The following ZNF738 variants were observed in gnomAD, a reference collection of about 807,000 sequenced individuals.
ZNF738 encodes the protein zinc finger protein 738, also known as protein ZNF738.
A neutral mutation model predicts 9.2 loss-of-function variants in ZNF738; 10 were observed. The ratio of observed to expected loss-of-function variants is 1.09; its 90% CI spans 0.67 to 1.85. The LOEUF is 1.85. Among genes scored for constraint, ZNF738 ranks in the 40% most tolerant of loss-of-function variants. The pLI is 0.00. For missense variants in ZNF738, 346 were observed against 283.6 expected (o/e 1.22, Z -1.58); for synonymous variants, 113 against 94.5 (o/e 1.20, Z -1.14).
rs1974083506 is a variant in ZNF738 at position 21,387,739 on chromosome 19, A to G, written c.*4065A>G. On this transcript the variant is annotated 3_prime_UTR_variant, in exon 5 of 5. Transcript: ENST00000683779. ...CAGAAAAATATAACCCTTTAAAGTG[A>G]AGAAGAGAATTTATATTGAAGATGG... 6.6e-6 allele frequency among the ~76,000 whole-genome samples: 1 copy of G among 152,202 alleles called. No individual in the cohort carries two copies. The highest frequency in any genetic ancestry group is 2.4e-5 in the African/African-American group (1 of 41,462).
chr19:21,381,071 C>T (rs909500105), intron 4 of ZNF738: 2 of 627,338 alleles, frequency 3.2e-6, no homozygotes, highest in African/African-American at 3.7e-5. Flanking sequence ...TGGGATCTAA[C>T]ACACTAGCTT....
intron 1 of ZNF738, among the ~76,000 whole-genome samples, chr19:21,360,084 C>A (rs1029652215): frequency 6.6e-6 from 1 of 152,048 alleles, no homozygotes; most frequent in African/African-American, 2.4e-5. Flanking sequence ...TGAAAATTTC[C>A]TGGTTATGTA....
Position 21,361,748 on chromosome 19 carries a change from G to T in ZNF738, c.4-18G>T. On this transcript the variant is annotated intron_variant, in intron 1 of 4. Coordinates refer to ENST00000683779, the MANE Select transcript of ZNF738 (RefSeq NM_001355237.2). ...AGTGTCTAGTGGATATCAGCTTCTG[G>T]TTTATTTTCTCCCATAGGACGACCT... 1.3e-6 allele frequency: 1 copy of T among 779,806 alleles called. No individual in the cohort carries two copies. The allele number at this position is 779,806 out of a possible 1,614,324, so 48.3% of individuals were successfully genotyped here.
At chr19:21,371,994 A>C (rs1334372735) in intron 2 of ZNF738, 1 of 152,570 alleles carries the variant, frequency 6.6e-6, no homozygotes, top group Non-Finnish European at 1.5e-5. Context: ...CCCAGGCTGG[A>C]GTGCAATGGC....
At position 21,361,102 on chromosome 19, in the gene ZNF738, C is replaced by T. The variant is rs1414300705; in HGVS notation, c.4-664C>T. On this transcript the variant is annotated intron_variant, in intron 1 of 4. Coordinates refer to ENST00000683779, the MANE Select transcript of ZNF738 (RefSeq NM_001355237.2). ...GTGCTGGGATTACAGGCGTGAGCCA[C>T]TGCGCCCTGCATAAATGGTGTTTTG... 2.6e-5 allele frequency among the ~76,000 whole-genome samples: 4 copies of T among 151,416 alleles called. No individual in the cohort carries two copies. The East Asian group carries it at 7.8e-4, about 30-fold the overall frequency.
At chr19:21,367,130 T>C (rs540623163) in intron 2 of ZNF738, among the ~76,000 whole-genome samples, 28 of 152,324 alleles carry the variant, frequency 1.8e-4, no homozygotes, top group African/African-American at 4.8e-4. Context: ...TATAAACTGT[T>C]CCTGAAGAAC....
intron 1 of ZNF738, among the ~76,000 whole-genome samples, chr19:21,360,046 C>T (rs1004945155): frequency 7.2e-5 from 11 of 152,028 alleles, no homozygotes; most frequent in African/African-American, 2.4e-4. Flanking sequence ...GGTACAGTTA[C>T]GTGGTTTTTT....
intron 2 of ZNF738, 47 bp from the exon 3 acceptor site, chr19:21,375,191 C>A: frequency 1.1e-6 from 1 of 884,014 alleles, no homozygotes; most frequent in Non-Finnish European, 1.7e-6. Flanking sequence ...ATGATAAATT[C>A]TGCCCGTGGA....
At chr19:21,361,320 A>G (rs550691617) in intron 1 of ZNF738, among the ~76,000 whole-genome samples, 85 of 150,422 alleles carry the variant, frequency 5.7e-4, no homozygotes, top group Non-Finnish European at 8.1e-4. Flanking sequence ...TTTTATTTTT[A>G]GTAGAGACAG....
chr19:21,362,601 C>A (rs1362939266), intron 2 of ZNF738, among the ~76,000 whole-genome samples: 1 of 152,108 alleles, frequency 6.6e-6, no homozygotes, highest in Non-Finnish European at 1.5e-5. Flanking sequence ...GAGATTTGTT[C>A]ACTTATTTTC....
At chr19:21,371,502 A>T (rs2562433) in intron 2 of ZNF738, among the ~76,000 whole-genome samples, 2,032 of 152,344 alleles carry the variant, frequency 0.013, 55 homozygotes, top group African/African-American at 0.043. Context: ...TTCTGGTACT[A>T]GGGTGAAAGA....
chr19:21,373,745 C>G (rs1461576840), intron 2 of ZNF738, among the ~76,000 whole-genome samples: 1 of 144,732 alleles, frequency 6.9e-6, no homozygotes, highest in East Asian at 2.0e-4. Context: ...ATCTGAAAAG[C>G]ATTTCCAAAG....
rs769714743 is a variant in ZNF738 at position 21,361,767 on chromosome 19, A to G, written c.5A>G (p.Asp2Gly). Residue 2 changes from aspartate (D) to glycine (G), a missense_variant and splice_region_variant, in exon 2 of 5, where the codon GAC (aspartate) becomes GGC (glycine). Coordinates refer to ENST00000683779, the MANE Select transcript of ZNF738 (RefSeq NM_001355237.2). ...CTTCTGGTTTATTTTCTCCCATAGG[A>G]CGACCTGAGGTATGGAGTGTATCCT... M[D>G]DLRYGVYPVK... is the part of the protein sequence containing the mutation. The G allele has an allele frequency of 2.6e-6, 2 of 780,614 alleles. No homozygotes were observed. The highest frequency in any genetic ancestry group is 4.8e-6 in the Non-Finnish European group (2 of 417,924). The allele number at this position is 780,614 out of a possible 1,614,324, so 48.4% of individuals were successfully genotyped here. A position where few individuals can be genotyped will look rare whatever the true frequency, so the allele number is the denominator to read the frequency against.
At chr19:21,381,194 C>T (rs1260110551) in intron 4 of ZNF738, 4 of 1,388,106 alleles carry the variant, frequency 2.9e-6, no homozygotes, top group African/African-American at 2.9e-5. Context: ...TTTCTTGGAA[C>T]CTACAGCCAG....
intron 4 of ZNF738, chr19:21,377,535 A>ACACAC: frequency 2.1e-6 from 1 of 468,548 alleles, no homozygotes; most frequent in Non-Finnish European, 3.9e-6. Flanking sequence ...CACACACACA[A>ACACAC]AATTTGTCAT....
Position 21,386,470 on chromosome 19 carries a change from C to T in ZNF738, c.*2796C>T. On this transcript the variant is annotated 3_prime_UTR_variant, in exon 5 of 5. Coordinates refer to ENST00000683779, the MANE Select transcript of ZNF738 (RefSeq NM_001355237.2). ...TATCCAGTCCTCAACTCCCACTAAA[C>T]ATAACATAATTCATACTGGAGAGAA... The T allele has an allele frequency of 3.0e-6, 1 of 329,338 alleles. No homozygotes were observed. The highest frequency in any genetic ancestry group is 6.2e-6 in the Non-Finnish European group (1 of 160,112). The allele number at this position is 329,338 out of a possible 1,614,324, so 20.4% of individuals were successfully genotyped here.
intron 3 of ZNF738, 84 bp from the exon 4 acceptor site, chr19:21,375,785 T>C (rs1599717245): frequency 1.0e-5 from 6 of 598,794 alleles, no homozygotes; most frequent in East Asian, 8.7e-5. Flanking sequence ...AATATTCTAT[T>C]ACCTCCTCTT....
Position 21,384,034 on chromosome 19 carries a change from T to C in ZNF738, c.*360T>C, listed in dbSNP as rs1368008270. The C allele has an allele frequency of 5.5e-6, 8 of 1,449,300 alleles. No individual in the cohort carries two copies. The African/African-American group carries it at 6.6e-5, about 12-fold the overall frequency. The allele number at this position is 1,449,300 out of a possible 1,614,324, so 89.8% of individuals were successfully genotyped here. On this transcript the variant is annotated 3_prime_UTR_variant, in exon 5 of 5. Coordinates refer to ENST00000683779, the MANE Select transcript of ZNF738 (RefSeq NM_001355237.2). ...TGTGGCAAAGCTTTCTACCGATTCA[T>C]TTACCTTACTACACATAAGAGAATT... is the stretch of plus-strand genomic sequence containing the variant.
intron 2 of ZNF738, among the ~76,000 whole-genome samples, chr19:21,363,594 A>T (rs527361087): frequency 1.3e-5 from 2 of 152,296 alleles, no homozygotes; most frequent in East Asian, 1.9e-4. Context: ...CTGTTAAAAA[A>T]TTTGAATTCT....
Sources: gnomAD v4.1 joint callset for allele counts (sites outside exome capture counted in the v4.1 genomes callset) on GRCh38, gnomAD v4.1.1 for gene constraint, MANE v1.5 for transcripts, NCBI Gene and HGNC (gene_info 2026-07-23, HGNC 2026-07-21) for gene names.